The following ANKS1B variants were observed in gnomAD, a reference collection of about 807,000 sequenced individuals.
The protein encoded by ANKS1B is ankyrin repeat and sterile alpha motif domain containing 1B, also known as ankyrin repeat and sterile alpha motif domain-containing protein 1B.
A neutral mutation model predicts 148.3 loss-of-function variants in ANKS1B; 36 were observed. The observed-to-expected ratio is 0.24, with a 90% CI of 0.19 to 0.32. The LOEUF (loss-of-function observed/expected upper bound fraction) is 0.32, where lower values mean the gene tolerates loss of function less well. Ranked by LOEUF, ANKS1B falls within the 10% of genes least tolerant of loss-of-function variation. ANKS1B has a pLI of 1.00. For synonymous variants in ANKS1B, 542 were observed against 560.8 expected (o/e 0.97, Z 0.47); for missense variants, 1,157 against 1,542.6 (o/e 0.75, Z 4.19).
intron 16 of ANKS1B, among the ~76,000 whole-genome samples, chr12:99,058,143 C>A (rs1213364631): frequency 2.6e-5 from 4 of 151,504 alleles, no homozygotes; most frequent in African/African-American, 9.7e-5. Flanking sequence ...CTTCATGAGA[C>A]TGAGAAAGAT....
intron 17 of ANKS1B, among the ~76,000 whole-genome samples, chr12:99,003,102 A>G (rs1037512606): frequency 1.3e-5 from 2 of 152,108 alleles, no homozygotes; most frequent in Non-Finnish European, 2.9e-5. Flanking sequence ...TCTTTTGCCC[A>G]TTGTATATTC....
chr12:99,703,671 T>G (rs2055245800), intron 8 of ANKS1B, among the ~76,000 whole-genome samples: 1 of 152,122 alleles, frequency 6.6e-6, no homozygotes, highest in Non-Finnish European at 1.5e-5. Context: ...ATTCCCTGTT[T>G]TGTTCTCTAC....
chr12:98,808,304 G>T (rs1267791574), intron 19 of ANKS1B, among the ~76,000 whole-genome samples: 3 of 152,072 alleles, frequency 2.0e-5, no homozygotes, highest in African/African-American at 7.2e-5. Context: ...TTTAACACAG[G>T]TCCGATATTT....
chr12:99,175,350 C>T (rs2078261269), intron 14 of ANKS1B, among the ~76,000 whole-genome samples: 1 of 152,160 alleles, frequency 6.6e-6, no homozygotes. Context: ...TTTGCATATA[C>T]ATAATAAGAC....
At chr12:98,960,158 T>C (rs978739307) in intron 17 of ANKS1B, among the ~76,000 whole-genome samples, 4 of 152,162 alleles carry the variant, frequency 2.6e-5, no homozygotes, top group Non-Finnish European at 5.9e-5. Context: ...AGGCAGTGGT[T>C]ACCACAGGTG....
chr12:99,238,719 C>G (rs1182673737), intron 14 of ANKS1B, among the ~76,000 whole-genome samples: 1 of 152,132 alleles, frequency 6.6e-6, no homozygotes, highest in East Asian at 1.9e-4. Flanking sequence ...GAGGAAGGAT[C>G]AGGCAGCAAT....
intron 16 of ANKS1B, among the ~76,000 whole-genome samples, chr12:99,060,603 T>C (rs1322494073): frequency 6.6e-6 from 1 of 151,760 alleles, no homozygotes; most frequent in Non-Finnish European, 1.5e-5. Flanking sequence ...ATGGATCTGT[T>C]ATATATATGT....
intron 9 of ANKS1B, among the ~76,000 whole-genome samples, chr12:99,607,883 C>G (rs957389102): frequency 6.6e-6 from 1 of 151,954 alleles, no homozygotes; most frequent in African/African-American, 2.4e-5. Flanking sequence ...CACCTATTAA[C>G]AGAGATCAGT....
chr12:99,183,656 C>T (rs904525629), intron 14 of ANKS1B, among the ~76,000 whole-genome samples: 1 of 152,028 alleles, frequency 6.6e-6, no homozygotes, highest in African/African-American at 2.4e-5. Flanking sequence ...AAAACAACAA[C>T]AATAACAACA....
chr12:99,228,095 C>T (rs2086227096), intron 14 of ANKS1B, among the ~76,000 whole-genome samples: 1 of 151,872 alleles, frequency 6.6e-6, no homozygotes, highest in Non-Finnish European at 1.5e-5. Flanking sequence ...AAAGTATGAG[C>T]CATGGAATTA....
At chr12:98,777,150 G>A (rs765442392) in intron 24 of ANKS1B, among the ~76,000 whole-genome samples, 10 of 152,022 alleles carry the variant, frequency 6.6e-5, no homozygotes, top group Non-Finnish European at 1.2e-4. Flanking sequence ...CCGTGGTGGC[G>A]CCACTACACT....
intron 9 of ANKS1B, among the ~76,000 whole-genome samples, chr12:99,563,876 C>T (rs552346947): frequency 1.3e-5 from 2 of 152,224 alleles, no homozygotes; most frequent in South Asian, 2.1e-4. Flanking sequence ...ATATATTGTA[C>T]TATTGCATGC....
chr12:98,904,752 T>C (rs1440637524), intron 17 of ANKS1B, among the ~76,000 whole-genome samples: 1 of 152,218 alleles, frequency 6.6e-6, no homozygotes, highest in Non-Finnish European at 1.5e-5. Context: ...TCCAGTGGAA[T>C]ATGTTTCTAG....
chr12:99,010,827 C>T (rs1234416078), intron 17 of ANKS1B, among the ~76,000 whole-genome samples: 1 of 149,456 alleles, frequency 6.7e-6, no homozygotes, highest in Admixed American at 6.7e-5. Flanking sequence ...TCATGGCTCA[C>T]TGTAGCCTTA....
At chr12:99,127,463 A>G (rs943896882) in intron 15 of ANKS1B, among the ~76,000 whole-genome samples, 3 of 152,214 alleles carry the variant, frequency 2.0e-5, no homozygotes, top group Admixed American at 6.5e-5. Context: ...TTCCAGTGGG[A>G]AAAAAAACTT....
intron 12 of ANKS1B, among the ~76,000 whole-genome samples, chr12:99,321,747 A>C (rs973726478): frequency 6.6e-6 from 1 of 152,258 alleles, no homozygotes; most frequent in African/African-American, 2.4e-5. Flanking sequence ...GGAAATGCAG[A>C]AATCACCTGT....
intron 8 of ANKS1B, among the ~76,000 whole-genome samples, chr12:99,756,930 A>G (rs2153601995): frequency 6.6e-6 from 1 of 152,106 alleles, no homozygotes; most frequent in Admixed American, 6.6e-5. Flanking sequence ...TCCTCATACC[A>G]TATACAAAAA....
intron 15 of ANKS1B, among the ~76,000 whole-genome samples, chr12:99,092,380 T>A (rs1336516192): frequency 2.0e-5 from 3 of 146,472 alleles, no homozygotes; most frequent in African/African-American, 8.0e-5. Context: ...GCAGGAGAGC[T>A]ATCTGAAGAA....
intron 16 of ANKS1B, among the ~76,000 whole-genome samples, chr12:99,073,482 G>A (rs544816725): frequency 6.6e-6 from 1 of 152,300 alleles, no homozygotes; most frequent in East Asian, 1.9e-4. Flanking sequence ...AAACAGCACA[G>A]TATGCTATCA....
Sources: allele counts gnomAD v4.1 joint callset (sites outside exome capture counted in the v4.1 genomes callset), GRCh38; gene constraint gnomAD v4.1.1; transcripts MANE v1.5; gene names NCBI Gene and HGNC (gene_info 2026-07-23, HGNC 2026-07-21).